RAB11FIP4: variants seen among roughly 807,000 people sequenced by gnomAD.
The protein encoded by RAB11FIP4 is rab11 family-interacting protein 4.
Under a neutral mutation model 74.3 loss-of-function variants are expected in RAB11FIP4, and 23 were observed. The ratio of observed to expected loss-of-function variants is 0.31; its 90% CI spans 0.22 to 0.44. RAB11FIP4 has a LOEUF of 0.44. Ranked by LOEUF, RAB11FIP4 falls within the 20% of genes least tolerant of loss-of-function variation. The pLI, the probability that RAB11FIP4 is intolerant of heterozygous loss-of-function variation, is 1.00. For synonymous variants in RAB11FIP4, 360 were observed against 359.9 expected (o/e 1.00, Z 0.00); for missense variants, 630 against 863.9 (o/e 0.73, Z 3.39).
intron 1 of RAB11FIP4, among the ~76,000 whole-genome samples, chr17:31,405,580 C>T (rs1230721244): frequency 6.6e-6 from 1 of 152,174 alleles, no homozygotes; most frequent in Admixed American, 6.5e-5. Context: ...ACTGTGTTGG[C>T]AAGGCTGGTC....
intron 3 of RAB11FIP4, among the ~76,000 whole-genome samples, chr17:31,466,015 C>T (rs539800131): frequency 1.4e-4 from 13 of 96,276 alleles, no homozygotes; most frequent in South Asian, 1.0e-3. Context: ...TGGTAGCACG[C>T]GCCTGTAAGT....
intron 3 of RAB11FIP4, among the ~76,000 whole-genome samples, chr17:31,495,911 C>A (rs1443444900): frequency 6.6e-6 from 1 of 152,228 alleles, no homozygotes; most frequent in African/African-American, 2.4e-5. Flanking sequence ...CTCACACTTA[C>A]ATGGTATTTT....
chr17:31,475,229 G>A (rs1402271969), intron 3 of RAB11FIP4, among the ~76,000 whole-genome samples: 1 of 140,370 alleles, frequency 7.1e-6, no homozygotes, highest in Non-Finnish European at 1.6e-5. Flanking sequence ...ACTGGGCATG[G>A]TCACTGGCTG....
In RAB11FIP4 at chr17:31,537,383, A is replaced by G. The variant is rs2072983397; in HGVS notation, c.*5651A>G. The G allele has an allele frequency of 2.5e-6, 1 of 396,148 alleles. No homozygotes were observed. The highest frequency in any genetic ancestry group is 2.1e-5 in the African/African-American group (1 of 48,718). 24.5% of individuals were successfully genotyped at this position (396,148 alleles called of 1,614,324 possible). A position where few individuals can be genotyped will look rare whatever the true frequency, so the allele number is the denominator to read the frequency against. On this transcript the variant is annotated 3_prime_UTR_variant, in exon 15 of 15. Transcript: ENST00000621161. ...AGAATCTTTCATTATTGTCTTAAGC[A>G]TGGGGGGCTAGGACCCACTTAGTCC...
intron 3 of RAB11FIP4, among the ~76,000 whole-genome samples, chr17:31,446,386 C>T (rs1042850031): frequency 1.3e-5 from 2 of 152,110 alleles, no homozygotes; most frequent in African/African-American, 4.8e-5. Context: ...GCCGAGCGTC[C>T]ACCCTTGGCA....
chr17:31,522,005 G>T lies in RAB11FIP4; in HGVS notation c.849G>T (p.Leu283=). ...YCSQCCKKIN[L]LNDLEARLKN... ...CTCAATGCTGCAAGAAAATCAACCT[G>T]CTCAATGACTTGGAAGCCCGACTGA... The change falls in exon 6 of 15, where the codon CTG becomes CTT. Residue 283 remains leucine (L), a synonymous_variant. Coordinates refer to ENST00000621161, the MANE Select transcript of RAB11FIP4 (RefSeq NM_032932.6). 1.2e-6 allele frequency: 2 copies of T among 1,614,182 alleles called. No homozygotes were observed. Among genetic ancestry groups the T allele is most frequent in the Non-Finnish European group, 1.7e-6 (2 of 1,180,038 alleles).
intron 8 of RAB11FIP4, 104 bp downstream of exon 8, chr17:31,523,715 G>A (rs975139220): frequency 9.8e-6 from 12 of 1,221,574 alleles, no homozygotes; most frequent in Non-Finnish European, 1.5e-5. Flanking sequence ...CCCTGTACCT[G>A]CCTAGGAATT....
At chr17:31,428,978 G>GATT (rs797016079) in intron 1 of RAB11FIP4, among the ~76,000 whole-genome samples, 11 of 150,560 alleles carry the variant, frequency 7.3e-5, no homozygotes, top group South Asian at 2.1e-4. Context: ...TGATGATGAT[G>GATT]ATTATTATTA....
chr17:31,489,836 G>T (rs535166423), intron 3 of RAB11FIP4, among the ~76,000 whole-genome samples: 7 of 152,096 alleles, frequency 4.6e-5, no homozygotes, highest in African/African-American at 7.2e-5. Flanking sequence ...GAATTTGAAG[G>T]GGGGGCCTGG....
chr17:31,423,121 A>G (rs6505242), intron 1 of RAB11FIP4, among the ~76,000 whole-genome samples: 128,567 of 152,072 alleles, frequency 0.85, 54,495 homozygotes, highest in Admixed American at 0.91. Context: ...GGGTTTCACC[A>G]TGTTAGCCAG....
At chr17:31,477,186 A>G (rs527297373) in intron 3 of RAB11FIP4, among the ~76,000 whole-genome samples, 1 of 152,358 alleles carries the variant, frequency 6.6e-6, no homozygotes, top group East Asian at 1.9e-4. Context: ...CAAGCCCTTC[A>G]GTGTGTGTCC....
chr17:31,518,479 A>C (rs1597976549), intron 4 of RAB11FIP4: 1 of 152,606 alleles, frequency 6.6e-6, no homozygotes, highest in African/African-American at 2.4e-5. Flanking sequence ...TGGGAGGCTG[A>C]GGCAGGAGGA....
chr17:31,479,318 G>T (rs1393438739), intron 3 of RAB11FIP4, among the ~76,000 whole-genome samples: 4 of 152,168 alleles, frequency 2.6e-5, no homozygotes, highest in African/African-American at 9.7e-5. Context: ...GACTTGAGAA[G>T]GTCTCTCACC....
intron 3 of RAB11FIP4, among the ~76,000 whole-genome samples, chr17:31,491,610 A>G (rs1395831281): frequency 2.0e-5 from 3 of 152,230 alleles, no homozygotes; most frequent in African/African-American, 7.2e-5. Flanking sequence ...GTCTGTCCAC[A>G]GAACTACAAG....
chr17:31,440,914 A>C (rs1335791078), intron 3 of RAB11FIP4, among the ~76,000 whole-genome samples: 1 of 152,222 alleles, frequency 6.6e-6, no homozygotes, highest in Non-Finnish European at 1.5e-5. Flanking sequence ...TAATTGAAGG[A>C]AATTGGCTTC....
At chr17:31,450,745 A>G (rs1432078993) in intron 3 of RAB11FIP4, among the ~76,000 whole-genome samples, 1 of 149,164 alleles carries the variant, frequency 6.7e-6, no homozygotes. Context: ...GGCTCCCAAG[A>G]TAGTATTTTC....
At chr17:31,443,748 G>GA (rs5819940) in intron 3 of RAB11FIP4, among the ~76,000 whole-genome samples, 2,767 of 150,350 alleles carry the variant, frequency 0.018, 79 homozygotes, top group African/African-American at 0.063. Context: ...CATCTTTACT[G>GA]AAAAAAAAAG....
chr17:31,396,371 A>C (rs1439727755), intron 1 of RAB11FIP4, among the ~76,000 whole-genome samples: 1 of 152,042 alleles, frequency 6.6e-6, no homozygotes, highest in Admixed American at 6.5e-5. Flanking sequence ...TTGTCTCCCT[A>C]ACCTCTTTAG....
chr17:31,454,088 G>T (rs1398662402), intron 3 of RAB11FIP4, among the ~76,000 whole-genome samples: 3 of 150,960 alleles, frequency 2.0e-5, no homozygotes, highest in Non-Finnish European at 4.4e-5. Context: ...CCACCCCTTT[G>T]TCAGACCATT....
Sources: allele counts gnomAD v4.1 joint callset (sites outside exome capture counted in the v4.1 genomes callset), GRCh38; gene constraint gnomAD v4.1.1; transcripts MANE v1.5; gene names NCBI Gene and HGNC (gene_info 2026-07-23, HGNC 2026-07-21).